Variants in ZNF454 observed in about 807,000 individuals in gnomAD.
ZNF454 encodes the protein zinc finger protein 454.
Under a neutral mutation model 48.2 loss-of-function variants are expected in ZNF454, and 30 were observed. The observed-to-expected ratio is 0.62, with a 90% CI of 0.47 to 0.84. ZNF454 has a LOEUF of 0.84. Ranked by LOEUF, ZNF454 falls within the 40% of genes least tolerant of loss-of-function variation. ZNF454 has a pLI of 0.00. For missense variants in ZNF454, 510 were observed against 623.1 expected (o/e 0.82, Z 1.93); for synonymous variants, 204 against 211.4 (o/e 0.97, Z 0.30).
At chr5:178,954,769 G>A (rs368513316) in intron 4 of ZNF454, among the ~76,000 whole-genome samples, 1 of 152,302 alleles carries the variant, frequency 6.6e-6, no homozygotes, top group East Asian at 1.9e-4. Context: ...TGCTGCCACT[G>A]CGAGTACCCC....
chr5:178,989,116 C>T, the ZNF454 span: 1 of 1,614,008 alleles, frequency 6.2e-7, no homozygotes, highest in South Asian at 1.1e-5. Flanking sequence ...AGGTGGAGTC[C>T]CGGCCGATGC....
At chr5:178,963,268 C>T (rs79628604) in intron 4 of ZNF454, among the ~76,000 whole-genome samples, 1 of 151,796 alleles carries the variant, frequency 6.6e-6, no homozygotes, top group African/African-American at 2.4e-5. Flanking sequence ...CTGCCACAGT[C>T]TACTCTATTT....
chr5:178,986,747 C>T, the ZNF454 span: 2 of 1,607,654 alleles, frequency 1.2e-6, no homozygotes, highest in South Asian at 2.2e-5. Context: ...CACTGCAGGG[C>T]CTCCACCTGG....
At chr5:178,943,097 A>T (rs1437553785) in intron 2 of ZNF454, among the ~76,000 whole-genome samples, 1 of 152,232 alleles carries the variant, frequency 6.6e-6, no homozygotes. Flanking sequence ...TCTTTTCACT[A>T]GCAAGTAAGA....
At chr5:178,982,576 C>CAAAAAAAAAAA in the ZNF454 span, among the ~76,000 whole-genome samples, 1 of 20,184 alleles carries the variant, frequency 5.0e-5, no homozygotes, top group African/African-American at 2.5e-4. Context: ...GACTCTGTCT[C>CAAAAAAAAAAA]AAAAAAAAAA....
Position 178,946,241 on chromosome 5 carries a change from C to T in ZNF454, c.34-118C>T. The T allele has an allele frequency of 1.4e-6, 2 of 1,402,646 alleles. No individual in the cohort carries two copies. Among genetic ancestry groups the T allele is most frequent in the South Asian group, 2.7e-5 (2 of 74,892 alleles). 86.9% of individuals were successfully genotyped at this position (1,402,646 alleles called of 1,614,324 possible). ...ATGAACTTGTCACAGAACGCCAGCT[C>T]CCTGTGTGCCAGCAGTCCTGTAAAT... is the stretch of plus-strand genomic sequence containing the variant. On this transcript the variant is annotated intron_variant, in intron 2 of 4. Transcript: ENST00000519564. This position sits in a 1 kb window ranked among gnomAD's most constrained non-coding sequence, Gnocchi z 4.5.
the ZNF454 span, among the ~76,000 whole-genome samples, chr5:178,988,011 C>T: frequency 7.2e-5 from 11 of 152,040 alleles, no homozygotes; most frequent in African/African-American, 2.7e-4. The surrounding 1 kb of genome is among the most constrained non-coding windows in gnomAD (Gnocchi z 6.0). Context: ...CCACCTGTCT[C>T]GGCCTCCCAA....
the ZNF454 span, chr5:178,980,445 C>A: frequency 1.3e-5 from 2 of 154,376 alleles, no homozygotes; most frequent in East Asian, 3.9e-4. This position sits in a 1 kb window ranked among gnomAD's most constrained non-coding sequence, Gnocchi z 4.3. Context: ...CCATACCCGT[C>A]CTGAGCCATC....
the ZNF454 span, among the ~76,000 whole-genome samples, chr5:178,984,017 C>A: frequency 6.6e-6 from 1 of 152,222 alleles, no homozygotes; most frequent in Non-Finnish European, 1.5e-5. Flanking sequence ...GGATGCTTTG[C>A]AGTCATCTGC....
At chr5:178,984,673 C>T in the ZNF454 span, among the ~76,000 whole-genome samples, 3 of 152,222 alleles carry the variant, frequency 2.0e-5, no homozygotes, top group South Asian at 2.1e-4. Context: ...GTGCGGCACA[C>T]GGAGACCCTG....
the ZNF454 span, chr5:178,989,233 T>A: frequency 5.8e-6 from 6 of 1,033,304 alleles, no homozygotes; most frequent in Non-Finnish European, 8.0e-6. Context: ...CTCCCCACCC[T>A]CCCCACCCTC....
chr5:178,947,812 C>T (rs1759397052), intron 4 of ZNF454, among the ~76,000 whole-genome samples: 1 of 152,204 alleles, frequency 6.6e-6, no homozygotes, highest in African/African-American at 2.4e-5. Flanking sequence ...ACAGATTCTT[C>T]ACGGTAACCC....
the ZNF454 span, chr5:178,988,837 C>T: frequency 2.0e-6 from 2 of 984,164 alleles, no homozygotes; most frequent in South Asian, 1.5e-5. This position sits in a 1 kb window ranked among gnomAD's most constrained non-coding sequence, Gnocchi z 6.0. Flanking sequence ...CACTCAGCCT[C>T]ACCCAGCCCT....
chr5:178,956,930 C>A, intron 4 of ZNF454: 1 of 311,240 alleles, frequency 3.2e-6, no homozygotes, highest in Non-Finnish European at 6.7e-6. Flanking sequence ...TGTTACCAAG[C>A]TGGAGTGCAG....
chr5:178,958,585 C>T (rs2113252208), intron 4 of ZNF454, among the ~76,000 whole-genome samples: 1 of 152,328 alleles, frequency 6.6e-6, no homozygotes, highest in East Asian at 1.9e-4. Context: ...CATAGGTACA[C>T]ATTTTCCTTG....
the ZNF454 span, chr5:178,985,595 C>T: frequency 0.015 from 5,279 of 347,072 alleles, 60 homozygotes; most frequent in Non-Finnish European, 0.02. Context: ...CCCAGCTACT[C>T]GGGAGGCTGA....
At chr5:178,985,310 C>G in the ZNF454 span, 133 of 454,954 alleles carry the variant, frequency 2.9e-4, 1 homozygote, top group African/African-American at 2.5e-3. Context: ...CCCCACCTGA[C>G]TGCCCCGTTT....
At chr5:178,983,215 C>A in the ZNF454 span, 1 of 1,611,416 alleles carries the variant, frequency 6.2e-7, no homozygotes, top group Admixed American at 1.7e-5. Context: ...GCTATCATCC[C>A]CACCACCTGC....
At chr5:178,971,274 G>T (rs1426727130), downstream of ZNF454, among the ~76,000 whole-genome samples, 1 of 152,180 alleles carries the variant, frequency 6.6e-6, no homozygotes, top group Non-Finnish European at 1.5e-5. Flanking sequence ...AGGAGTCGGC[G>T]GGGAGTAGGG....
Sources: gnomAD v4.1 joint callset for allele counts (sites outside exome capture counted in the v4.1 genomes callset) on GRCh38, gnomAD v4.1.1 for gene constraint, Gnocchi (gnomAD v3.1) non-coding constraint, MANE v1.5 for transcripts, NCBI Gene and HGNC (gene_info 2026-07-23, HGNC 2026-07-21) for gene names.